The following PRKN variants were observed in gnomAD, a reference collection of about 807,000 sequenced individuals.
PRKN encodes the protein parkin RBR E3 ubiquitin protein ligase.
PRKN carries 56 observed loss-of-function variants against 59.5 expected under a neutral mutation model. That is an observed-to-expected ratio of 0.94 (90% CI 0.76 to 1.18). The LOEUF (loss-of-function observed/expected upper bound fraction) is 1.18. Ranked by LOEUF, PRKN falls within the 50% of genes most tolerant of loss-of-function variation. PRKN has a pLI of 0.00. For missense variants in PRKN, 657 were observed against 596.4 expected (o/e 1.10, Z -1.06); for synonymous variants, 250 against 222.1 (o/e 1.13, Z -1.12).
chr6:162,281,312 T>C (rs1341967265), intron 2 of PRKN, among the ~76,000 whole-genome samples: 1 of 152,022 alleles, frequency 6.6e-6, no homozygotes, highest in African/African-American at 2.4e-5. Flanking sequence ...AAATACCTAA[T>C]GTAAATGATG....
rs117951900 is a variant in PRKN at position 162,658,445 on chromosome 6, T to C, written c.7+69217A>G. 9.1e-3 allele frequency among the ~76,000 whole-genome samples: 1,383 copies of C among 151,964 alleles called. 10 individuals carry two copies. The highest frequency in any genetic ancestry group is 0.014 in the Non-Finnish European group (974 of 67,934). On this transcript the variant is annotated intron_variant, in intron 1 of 11. Transcript: ENST00000366898. ...GGGAGACCGACGCGGGCAGATCACC[T>C]GAGGTAAGGAGTTCAAGATCAGCCT...
chr6:161,595,062 A>G (rs1416831520), intron 7 of PRKN, among the ~76,000 whole-genome samples: 1 of 152,238 alleles, frequency 6.6e-6, no homozygotes, highest in Non-Finnish European at 1.5e-5. Flanking sequence ...AAGGACAAAC[A>G]ATGCCGTGAG....
chr6:162,279,340 C>CA (rs112176570), intron 2 of PRKN, among the ~76,000 whole-genome samples: 75 of 91,206 alleles, frequency 8.2e-4, no homozygotes, highest in African/African-American at 2.3e-3. Context: ...TCCATTAAAA[C>CA]AAAAAAAAGA....
At chr6:161,982,022 GA>G (rs1384094649) in intron 5 of PRKN, among the ~76,000 whole-genome samples, 1 of 152,156 alleles carries the variant, frequency 6.6e-6, no homozygotes, top group Non-Finnish European at 1.5e-5. Flanking sequence ...ATGTCTTCAA[GA>G]AGTCTAACTT....
At chr6:162,318,544 C>A (rs2128120698) in intron 2 of PRKN, among the ~76,000 whole-genome samples, 1 of 152,198 alleles carries the variant, frequency 6.6e-6, no homozygotes, top group African/African-American at 2.4e-5. Context: ...ATACTGATTT[C>A]CACAGCGGTT....
chr6:162,081,718 C>A (rs1583004834), intron 4 of PRKN, among the ~76,000 whole-genome samples: 1 of 152,126 alleles, frequency 6.6e-6, no homozygotes. Context: ...TTACCCCTAA[C>A]AAGAGAGTCA....
chr6:162,547,622 C>T (rs1204580990), intron 1 of PRKN, among the ~76,000 whole-genome samples: 1 of 152,036 alleles, frequency 6.6e-6, no homozygotes, highest in Non-Finnish European at 1.5e-5. Context: ...CTCTTGTTGC[C>T]CAGGCTGGAG....
intron 2 of PRKN, among the ~76,000 whole-genome samples, chr6:162,374,587 G>A (rs1197045294): frequency 1.3e-5 from 2 of 150,870 alleles, no homozygotes; most frequent in African/African-American, 4.9e-5. Flanking sequence ...TAGGTGAGAG[G>A]GTGACCCAAA....
In PRKN at chr6:161,767,700, ATTTGT is replaced by A. The variant is rs1789488756; in HGVS notation, c.871+18067_871+18071del. Among the ~76,000 whole-genome samples, 3 of 138,798 alleles carry A rather than the reference ATTTGT, an allele frequency of 2.2e-5. No homozygotes were observed. The South Asian group carries it at 7.1e-4, about 33-fold the overall frequency. The allele number at this position is 138,798 out of a possible 152,430, so 91.1% of individuals were successfully genotyped here. On this transcript the variant is annotated intron_variant, in intron 7 of 11. Transcript: ENST00000366898. Reference sequence around the variant, plus strand: ...CACTCTCAACTGAGGCTGTTTAGGTATTTGTAACTATGTTACCTTAAAGGTTACTG... The same window carrying A: ...CACTCTCAACTGAGGCTGTTTAGGTAAACTATGTTACCTTAAAGGTTACTG...
Position 161,592,749 on chromosome 6 carries a change from C to A in PRKN, c.872-23333G>T, listed in dbSNP as rs1159242997. On this transcript the variant is annotated intron_variant, in intron 7 of 11. Coordinates refer to ENST00000366898, the MANE Select transcript of PRKN (RefSeq NM_004562.3). The surrounding 1 kb of genome is among the most constrained non-coding windows in gnomAD (Gnocchi z 4.8). ...GTGCAGACCAAGGGACAGCCAGGAC[C>A]AGCACTAGGAGGACGAGGGAACACA... 6.6e-6 allele frequency among the ~76,000 whole-genome samples: 1 copy of A among 152,072 alleles called. No homozygotes were observed. Among genetic ancestry groups the A allele is most frequent in the Non-Finnish European group, 1.5e-5 (1 of 68,010 alleles).
At chr6:162,077,969 G>C (rs4601100) in intron 4 of PRKN, among the ~76,000 whole-genome samples, 121,991 of 147,722 alleles carry the variant, frequency 0.83, 50,469 homozygotes, top group Admixed American at 0.88. Context: ...CCACTGCACA[G>C]CAGCCTGGGC....
At chr6:162,222,396 G>A (rs976762054) in intron 3 of PRKN, among the ~76,000 whole-genome samples, 2 of 152,134 alleles carry the variant, frequency 1.3e-5, no homozygotes, top group African/African-American at 2.4e-5. Flanking sequence ...ACGAAGATAC[G>A]GAGATAGAGC....
chr6:162,360,167 C>G (rs1379669706), intron 2 of PRKN, among the ~76,000 whole-genome samples: 1 of 151,970 alleles, frequency 6.6e-6, no homozygotes, highest in Admixed American at 6.6e-5. Flanking sequence ...TTTGTTTCCT[C>G]TGTCTTATCG....
intron 4 of PRKN, among the ~76,000 whole-genome samples, chr6:162,170,022 C>T (rs542383294): frequency 6.6e-6 from 1 of 152,192 alleles, no homozygotes; most frequent in Non-Finnish European, 1.5e-5. Flanking sequence ...TACCTCATTA[C>T]AAAGTGAAAT....
intron 2 of PRKN, among the ~76,000 whole-genome samples, chr6:162,398,547 C>T (rs1297215492): frequency 2.6e-5 from 4 of 152,118 alleles, no homozygotes; most frequent in African/African-American, 7.2e-5. Flanking sequence ...CCCAGCACCA[C>T]ACCCAGCTAA....
At chr6:162,021,501 T>G (rs1467860364) in intron 5 of PRKN, among the ~76,000 whole-genome samples, 3 of 148,534 alleles carry the variant, frequency 2.0e-5, no homozygotes, top group Non-Finnish European at 4.5e-5. Flanking sequence ...TTTAAAATAA[T>G]CTTTTAATTT....
At chr6:161,572,578 T>G (rs568127186) in intron 7 of PRKN, among the ~76,000 whole-genome samples, 46 of 152,278 alleles carry the variant, frequency 3.0e-4, no homozygotes, top group African/African-American at 1.0e-3. Flanking sequence ...GAGAATCGCT[T>G]GAACCTGGGA....
intron 1 of PRKN, among the ~76,000 whole-genome samples, chr6:162,605,025 C>T (rs1781854787): frequency 2.0e-5 from 3 of 152,004 alleles, no homozygotes; most frequent in East Asian, 1.9e-4. Flanking sequence ...ATTCATACTC[C>T]AAAATTACTT....
chr6:161,760,310 C>T (rs1789140898), intron 7 of PRKN, among the ~76,000 whole-genome samples: 1 of 114,128 alleles, frequency 8.8e-6, no homozygotes, highest in Non-Finnish European at 1.9e-5. Context: ...GACACCCACA[C>T]GGGTATCTGC....
Sources: allele counts gnomAD v4.1 joint callset (sites outside exome capture counted in the v4.1 genomes callset), GRCh38; gene constraint gnomAD v4.1.1; non-coding constraint Gnocchi (gnomAD v3.1); transcripts MANE v1.5; gene names NCBI Gene and HGNC (gene_info 2026-07-23, HGNC 2026-07-21).